Variants in PTPRN2 observed in about 807,000 individuals in gnomAD.
The protein encoded by PTPRN2 is receptor-type tyrosine-protein phosphatase N2.
PTPRN2 carries 74 observed loss-of-function variants against 118.8 expected under a neutral mutation model. The ratio of observed to expected loss-of-function variants is 0.62; its 90% confidence interval spans 0.52 to 0.76. The LOEUF (loss-of-function observed/expected upper bound fraction) is 0.76, where lower values mean the gene tolerates loss of function less well. Among genes scored for constraint, PTPRN2 ranks in the 30% least tolerant of loss-of-function variants. The pLI is 0.00. For synonymous variants in PTPRN2, 641 were observed against 608.0 expected (o/e 1.05, Z -0.80); for missense variants, 1,481 against 1,394.4 (o/e 1.06, Z -0.99).
Position 158,510,455 on chromosome 7 carries a change from T to A in PTPRN2, c.113-20670A>T, listed in dbSNP as rs1586833326. ...AGTGTGTGTGTTTACTCTCTCTCTCTCTCTCTCTCTCTCTCTCTCTCTCAC... is the reference window on the plus strand; with the variant it reads ...AGTGTGTGTGTTTACTCTCTCTCTCACTCTCTCTCTCTCTCTCTCTCTCAC... On this transcript the variant is annotated intron_variant, in intron 1 of 22. Coordinates refer to ENST00000389418, the MANE Select transcript of PTPRN2 (RefSeq NM_002847.5). Among the ~76,000 whole-genome samples, 3 of 149,476 alleles carry A rather than the reference T, an allele frequency of 2.0e-5. No individual in the cohort carries two copies. In the South Asian group the frequency reaches 6.3e-4, roughly 32 times the overall value.
chr7:158,188,575 G>A (rs1825459764), intron 5 of PTPRN2, among the ~76,000 whole-genome samples: 2 of 123,362 alleles, frequency 1.6e-5, no homozygotes, highest in African/African-American at 6.7e-5. Flanking sequence ...GTATGGGGAA[G>A]GCCGCCACGC....
chr7:158,124,648 G>T (rs887516638), intron 9 of PTPRN2, among the ~76,000 whole-genome samples: 2 of 152,222 alleles, frequency 1.3e-5, no homozygotes, highest in African/African-American at 4.8e-5. Flanking sequence ...GGGAGAAGAC[G>T]TGAACAGGAA....
intron 21 of PTPRN2, among the ~76,000 whole-genome samples, chr7:157,557,408 T>C (rs970763513): frequency 6.6e-6 from 1 of 151,364 alleles, no homozygotes; most frequent in Non-Finnish European, 1.5e-5. Flanking sequence ...CACAGAACAC[T>C]CACAGCTCAC....
At position 158,296,547 on chromosome 7, in the gene PTPRN2, C is replaced by T. The variant is rs145017684; in HGVS notation, c.277+20272G>A. ...TCTAATTGAGCTGGTTAACACAAGC[C>T]GCCCACAGACGGCGAAACTAAAAAA... On this transcript the variant is annotated intron_variant, in intron 3 of 22. Coordinates refer to ENST00000389418, the MANE Select transcript of PTPRN2 (RefSeq NM_002847.5). Among the ~76,000 whole-genome samples the T allele has an allele frequency of 5.3e-5, 8 of 152,306 alleles. No homozygotes were observed. In the East Asian group the frequency reaches 1.2e-3, roughly 22 times the overall value.
At chr7:157,700,993 C>T (rs536319608) in intron 12 of PTPRN2, among the ~76,000 whole-genome samples, 4 of 152,362 alleles carry the variant, frequency 2.6e-5, no homozygotes, top group East Asian at 3.9e-4. Flanking sequence ...GTCTCTCACA[C>T]ACGCACGCTT....
intron 2 of PTPRN2, among the ~76,000 whole-genome samples, chr7:158,454,541 A>G (rs1411878864): frequency 6.7e-6 from 1 of 149,320 alleles, no homozygotes; most frequent in Non-Finnish European, 1.5e-5. Flanking sequence ...GAGGACAGAC[A>G]AGACACAACA....
At chr7:158,066,148 G>T (rs571006024) in intron 11 of PTPRN2, among the ~76,000 whole-genome samples, 40 of 152,322 alleles carry the variant, frequency 2.6e-4, no homozygotes, top group African/African-American at 9.6e-4. Context: ...TGTGAGCTTG[G>T]GGGTCTTGAG....
Position 158,165,063 on chromosome 7 carries a change from G to C in PTPRN2, c.910+1868C>G, listed in dbSNP as rs1487779676. 5.9e-5 allele frequency among the ~76,000 whole-genome samples: 5 copies of C among 85,430 alleles called. No individual in the cohort carries two copies. The Admixed American group carries it at 7.1e-4, about 12-fold the overall frequency. 56.0% of individuals were successfully genotyped at this position (85,430 alleles called of 152,430 possible). Reference sequence around the variant, plus strand: ...TCTAGTACCCACAAGAGGCAGTGAAGACCCCTGATAGCATTCAGTACCCAC... The same window carrying C: ...TCTAGTACCCACAAGAGGCAGTGAACACCCCTGATAGCATTCAGTACCCAC... On this transcript the variant is annotated intron_variant, in intron 6 of 22. Coordinates refer to ENST00000389418, the MANE Select transcript of PTPRN2 (RefSeq NM_002847.5).
intron 3 of PTPRN2, among the ~76,000 whole-genome samples, chr7:158,292,361 G>A (rs114817629): frequency 2.6e-5 from 4 of 152,192 alleles, no homozygotes; most frequent in African/African-American, 9.7e-5. Context: ...CCTAAATCAA[G>A]CTTTTCAGTT....
chr7:158,203,880 G>A (rs1256916107), intron 4 of PTPRN2, among the ~76,000 whole-genome samples: 2 of 152,254 alleles, frequency 1.3e-5, no homozygotes, highest in Non-Finnish European at 1.5e-5. Flanking sequence ...CATTCTCTTT[G>A]ATAAAGGAGG....
intron 5 of PTPRN2, among the ~76,000 whole-genome samples, chr7:158,171,000 T>TATATATATACACATACATATATATACAC (rs1460026503): frequency 6.7e-6 from 1 of 148,350 alleles, no homozygotes; most frequent in Non-Finnish European, 1.5e-5. Context: ...TACACATACA[T>TATATATATACACATACATATATATACAC]ATATATATAC....
At position 158,136,651 on chromosome 7, in the gene PTPRN2, T is replaced by A; in HGVS notation, c.1173+4A>T. 6.2e-7 allele frequency: 1 copy of A among 1,612,908 alleles called. No individual in the cohort carries two copies. Among genetic ancestry groups the A allele is most frequent in the Non-Finnish European group, 8.5e-7 (1 of 1,178,884 alleles). On this transcript the variant is annotated splice_donor_region_variant and intron_variant, in intron 8 of 22. Coordinates refer to ENST00000389418, the MANE Select transcript of PTPRN2 (RefSeq NM_002847.5). ...TGAAACAAACACCAGAGACGTCATC[T>A]TACCTCTTGGTAAAGTCTATCATCG...
chr7:158,081,082 C>G (rs1812783096), intron 11 of PTPRN2, among the ~76,000 whole-genome samples: 1 of 152,218 alleles, frequency 6.6e-6, no homozygotes, highest in Non-Finnish European at 1.5e-5. Flanking sequence ...CAGTGAAATC[C>G]CAGATGGTGC....
chr7:158,043,347 G>T (rs1808607784), intron 11 of PTPRN2, among the ~76,000 whole-genome samples: 1 of 101,558 alleles, frequency 9.8e-6, no homozygotes, highest in Admixed American at 1.0e-4. Context: ...TTAAATCAGA[G>T]ATGTGTCCTG....
At chr7:158,384,348 C>T (rs931084966) in intron 2 of PTPRN2, among the ~76,000 whole-genome samples, 4 of 152,152 alleles carry the variant, frequency 2.6e-5, no homozygotes, top group African/African-American at 7.2e-5. Flanking sequence ...CAGAAGCAGC[C>T]GGGATGTGGG....
chr7:158,306,387 G>T (rs1432907132), intron 3 of PTPRN2, among the ~76,000 whole-genome samples: 1 of 152,200 alleles, frequency 6.6e-6, no homozygotes. Context: ...GGCTGATGTA[G>T]AGGCTCTGGG....
intron 8 of PTPRN2, among the ~76,000 whole-genome samples, chr7:158,134,812 C>A (rs185231975): frequency 2.6e-5 from 4 of 152,222 alleles, no homozygotes; most frequent in African/African-American, 9.6e-5. Context: ...CATGTAATTA[C>A]TACTCCAACC....
At chr7:158,020,512 C>T (rs946738556) in intron 11 of PTPRN2, among the ~76,000 whole-genome samples, 1 of 152,116 alleles carries the variant, frequency 6.6e-6, no homozygotes, top group Non-Finnish European at 1.5e-5. Context: ...TCCTACGTCC[C>T]GAGGTCACTG....
chr7:157,888,121 C>A (rs1425525192), intron 12 of PTPRN2, among the ~76,000 whole-genome samples: 3 of 151,792 alleles, frequency 2.0e-5, no homozygotes, highest in African/African-American at 7.3e-5. Context: ...CACGGACGGT[C>A]TGAGATTGCT....
Sources: allele counts gnomAD v4.1 joint callset (sites outside exome capture counted in the v4.1 genomes callset), GRCh38; gene constraint gnomAD v4.1.1; transcripts MANE v1.5; gene names NCBI Gene and HGNC (gene_info 2026-07-23, HGNC 2026-07-21).